ODAD2: variants seen among roughly 807,000 people sequenced by gnomAD.
ODAD2 encodes the protein outer dynein arm-docking complex subunit 2.
Under a neutral mutation model 106.8 loss-of-function variants are expected in ODAD2, and 89 were observed. The observed-to-expected ratio is 0.83, with a 90% confidence interval of 0.70 to 0.99. ODAD2 has a LOEUF of 0.99. ODAD2 is among the 50% of genes least tolerant of loss of function. ODAD2 has a pLI of 0.00. For missense variants in ODAD2, 1,168 were observed against 1,238.5 expected (o/e 0.94, Z 0.85); for synonymous variants, 404 against 436.2 (o/e 0.93, Z 0.92).
chr10:27,910,056 C>T (rs1251141968), intron 16 of ODAD2, among the ~76,000 whole-genome samples: 1 of 152,014 alleles, frequency 6.6e-6, no homozygotes, highest in Non-Finnish European at 1.5e-5. Context: ...TATTTTAGCA[C>T]CCAAATCCCA....
At chr10:27,918,892 A>G (rs775194677) in intron 16 of ODAD2, among the ~76,000 whole-genome samples, 1 of 150,470 alleles carries the variant, frequency 6.6e-6, no homozygotes, top group East Asian at 1.9e-4. Flanking sequence ...AAAATTAATT[A>G]TGTATCCATT....
chr10:27,988,960 G>C (rs1302769175), intron 2 of ODAD2, among the ~76,000 whole-genome samples: 3 of 152,184 alleles, frequency 2.0e-5, no homozygotes, highest in East Asian at 1.9e-4. Flanking sequence ...AGGAGGGACA[G>C]AGGCAGCGAC....
At chr10:27,844,398 T>A (rs947354377) in intron 19 of ODAD2, among the ~76,000 whole-genome samples, 1 of 152,170 alleles carries the variant, frequency 6.6e-6, no homozygotes, top group African/African-American at 2.4e-5. Context: ...GTCCCCTTCC[T>A]TTTTGTGCTC....
At chr10:27,849,505 A>C (rs1384403315) in intron 19 of ODAD2, among the ~76,000 whole-genome samples, 12 of 152,100 alleles carry the variant, frequency 7.9e-5, no homozygotes, top group African/African-American at 2.9e-4. Context: ...ACATAGGTAA[A>C]AAATCTGCAC....
chr10:27,992,594 G>A (rs1850295768), intron 2 of ODAD2, among the ~76,000 whole-genome samples: 1 of 152,122 alleles, frequency 6.6e-6, no homozygotes, highest in Non-Finnish European at 1.5e-5. Context: ...AGGGGCTGAG[G>A]TGGGAGGATC....
At chr10:27,876,742 G>T (rs1056904488) in intron 17 of ODAD2, among the ~76,000 whole-genome samples, 2 of 152,084 alleles carry the variant, frequency 1.3e-5, no homozygotes, top group African/African-American at 4.8e-5. Flanking sequence ...GAAAATATCC[G>T]GGGTCAGCTA....
chr10:27,916,030 A>G (rs1214448982), intron 16 of ODAD2, among the ~76,000 whole-genome samples: 2 of 152,150 alleles, frequency 1.3e-5, no homozygotes, highest in Non-Finnish European at 2.9e-5. Flanking sequence ...ACAAGATATT[A>G]GAACCTAAAT....
intron 7 of ODAD2, among the ~76,000 whole-genome samples, chr10:27,977,400 TA>T (rs35313855): frequency 0.047 from 6,385 of 135,754 alleles, 428 homozygotes; most frequent in African/African-American, 0.15. Context: ...CCATTTCTGC[TA>T]AAAAAAAAAA....
chr10:27,987,319 C>T, intron 3 of ODAD2, 67 bp downstream of exon 3: 2 of 1,464,858 alleles, frequency 1.4e-6, no homozygotes, highest in South Asian at 1.3e-5. Flanking sequence ...TCCTCCCACC[C>T]TTTCCCCACT....
At chr10:27,933,790 T>C (rs1408208476) in intron 16 of ODAD2, among the ~76,000 whole-genome samples, 1 of 152,254 alleles carries the variant, frequency 6.6e-6, no homozygotes, top group East Asian at 1.9e-4. Flanking sequence ...GCCAGTATGC[T>C]TCCCTTAAAG....
intron 19 of ODAD2, among the ~76,000 whole-genome samples, chr10:27,847,326 A>C (rs1564422770): frequency 6.6e-6 from 1 of 152,238 alleles, no homozygotes; most frequent in Non-Finnish European, 1.5e-5. Context: ...CAAAAACCAC[A>C]TGATTATCTC....
Position 27,961,563 on chromosome 10 carries a change from C to T in ODAD2, c.1386+5G>A, listed in dbSNP as rs188691804. ...TGCAAACATACTACCATAGACCTTTCTTACCTTTAAATATTTCACCAGCTT... is the reference window on the plus strand; with the variant it reads ...TGCAAACATACTACCATAGACCTTTTTTACCTTTAAATATTTCACCAGCTT... On this transcript the variant is annotated splice_donor_5th_base_variant and intron_variant, in intron 10 of 19. Coordinates refer to ENST00000305242, the MANE Select transcript of ODAD2 (RefSeq NM_018076.5). 245 of 1,609,566 alleles carry T rather than the reference C, an allele frequency of 1.5e-4. No homozygotes were observed. The highest frequency in any genetic ancestry group is 1.9e-4 in the Non-Finnish European group (225 of 1,178,434).
At chr10:27,879,055 C>T (rs986076570) in intron 17 of ODAD2, among the ~76,000 whole-genome samples, 1 of 152,096 alleles carries the variant, frequency 6.6e-6, no homozygotes, top group Non-Finnish European at 1.5e-5. Flanking sequence ...TTGAGGGTAG[C>T]TTTAACGAAT....
chr10:27,830,488 T>C lies in ODAD2; in HGVS notation c.3022-17863A>G, dbSNP rs1347618330. ...TTGCTTAATCTTCCCAGATTTAAAA[T>C]GTGTGTTTACAAATTTTAGAGAAGA... On this transcript the variant is annotated intron_variant, in intron 19 of 19. Transcript: ENST00000305242. 3.3e-5 allele frequency among the ~76,000 whole-genome samples: 5 copies of C among 152,238 alleles called. No individual in the cohort carries two copies. In the East Asian group the frequency reaches 9.6e-4, roughly 29 times the overall value.
chr10:27,979,792 A>C (rs539346701), intron 7 of ODAD2, among the ~76,000 whole-genome samples: 21 of 152,340 alleles, frequency 1.4e-4, no homozygotes, highest in African/African-American at 4.6e-4. Flanking sequence ...ATACTATGTA[A>C]AGCAATTCAT....
At chr10:27,831,805 T>C (rs946428063) in intron 19 of ODAD2, among the ~76,000 whole-genome samples, 1 of 152,252 alleles carries the variant, frequency 6.6e-6, no homozygotes, top group Admixed American at 6.5e-5. Context: ...TCTTTATGTT[T>C]GCAGTTGTTC....
At chr10:27,980,825 A>C (rs1398610084) in intron 7 of ODAD2, among the ~76,000 whole-genome samples, 2 of 152,190 alleles carry the variant, frequency 1.3e-5, no homozygotes, top group Non-Finnish European at 2.9e-5. Context: ...CACTTTTAGG[A>C]AAAGACCCAA....
chr10:27,980,903 C>T (rs1275661530), intron 7 of ODAD2, among the ~76,000 whole-genome samples: 1 of 152,102 alleles, frequency 6.6e-6, no homozygotes, highest in African/African-American at 2.4e-5. Context: ...ATTCACAATA[C>T]CCAAAAGGTG....
rs558404696 is a variant in ODAD2, at chr10:27,899,099, A to G, written c.2610+8564T>C. The stretch of plus-strand genomic sequence containing the variant: ...AAAGTGGGTGATTTCTGCATTTCCA[A>G]TTGAGGTACCCATCTCATCTCATTG... On this transcript the variant is annotated intron_variant, in intron 17 of 19. Coordinates refer to ENST00000305242, the MANE Select transcript of ODAD2 (RefSeq NM_018076.5). 2.2e-4 allele frequency among the ~76,000 whole-genome samples: 34 copies of G among 152,040 alleles called. No homozygotes were observed. The South Asian group carries it at 7.1e-3, about 32-fold the overall frequency.
Sources: gnomAD v4.1 joint callset for allele counts (sites outside exome capture counted in the v4.1 genomes callset) on GRCh38, gnomAD v4.1.1 for gene constraint, MANE v1.5 for transcripts, NCBI Gene and HGNC (gene_info 2026-07-23, HGNC 2026-07-21) for gene names.